ANKRD31: variants seen among roughly 807,000 people sequenced by gnomAD.
ANKRD31 encodes the protein ankyrin repeat domain-containing protein 31.
Under a neutral mutation model 186.0 loss-of-function variants are expected in ANKRD31, and 147 were observed. The ratio of observed to expected loss-of-function variants is 0.79; its 90% CI spans 0.69 to 0.91. The LOEUF is 0.91. Among genes scored for constraint, ANKRD31 ranks in the 40% least tolerant of loss-of-function variants. The pLI is 0.00. For missense variants in ANKRD31, 1,986 were observed against 2,148.8 expected, an observed-to-expected ratio of 0.92 and a Z score of 1.50; for synonymous variants, 673 against 736.4, an observed-to-expected ratio of 0.91 and a Z score of 1.39.
intron 10 of ANKRD31, among the ~76,000 whole-genome samples, chr5:75,171,730 A>G (rs760104762): frequency 6.6e-6 from 1 of 151,866 alleles, no homozygotes; most frequent in Non-Finnish European, 1.5e-5. Context: ...AACAGACATA[A>G]GATGGAACAG....
At chr5:75,182,981 C>G (rs1754436034) in intron 10 of ANKRD31, among the ~76,000 whole-genome samples, 1 of 152,030 alleles carries the variant, frequency 6.6e-6, no homozygotes. Context: ...CCCCAATACC[C>G]CTGATGAACA....
At chr5:75,209,572 G>A (rs1243633374) in intron 4 of ANKRD31, among the ~76,000 whole-genome samples, 2 of 152,104 alleles carry the variant, frequency 1.3e-5, no homozygotes, top group Non-Finnish European at 2.9e-5. Context: ...AGCTACTTGG[G>A]AGGCTGAGGC....
rs1244757768 is a variant in ANKRD31 at position 75,091,359 on chromosome 5, T to A, written c.5374A>T (p.Lys1792Ter). The A allele has an allele frequency of 4.6e-6, 7 of 1,537,028 alleles. No homozygotes were observed. The highest frequency in any genetic ancestry group is 5.2e-6 in the Non-Finnish European group (6 of 1,146,830). The change falls in exon 23 of 26, where the codon AAG becomes TAG. Residue 1792 changes from lysine to a stop codon, truncating the protein, a stop_gained. Transcript: ENST00000506364. LOFTEE classifies it high-confidence loss of function. Reference sequence around the variant, plus strand: ...TTATAAATCTGACCACTTTCTACCTTAAGTTTACCATTCAATAAAATACTG... The same window carrying A: ...TTATAAATCTGACCACTTTCTACCTAAAGTTTACCATTCAATAAAATACTG... ...KASILLNGKL[K>*]VESGQIYKNP...
At chr5:75,087,851 G>T (rs1160883187) in intron 23 of ANKRD31, among the ~76,000 whole-genome samples, 1 of 152,188 alleles carries the variant, frequency 6.6e-6, no homozygotes, top group Non-Finnish European at 1.5e-5. Context: ...CTATGGAAAT[G>T]ATGATGCAGG....
At chr5:75,158,477 T>A (rs1177070817) in intron 11 of ANKRD31, among the ~76,000 whole-genome samples, 2 of 152,206 alleles carry the variant, frequency 1.3e-5, no homozygotes, top group Non-Finnish European at 2.9e-5. Flanking sequence ...TATAATACAT[T>A]ATCTTAAATG....
At chr5:75,069,948 G>T (rs1031959184) in intron 25 of ANKRD31, among the ~76,000 whole-genome samples, 4 of 152,176 alleles carry the variant, frequency 2.6e-5, no homozygotes, top group Non-Finnish European at 5.9e-5. Context: ...AGGAAATGGA[G>T]CTGAGAAATG....
At chr5:75,089,424 C>G (rs899236017) in intron 23 of ANKRD31, among the ~76,000 whole-genome samples, 1 of 152,190 alleles carries the variant, frequency 6.6e-6, no homozygotes, top group East Asian at 1.9e-4. Flanking sequence ...CACTCCTGGT[C>G]CCATACCACC....
chr5:75,155,506 T>C (rs1204323439), intron 11 of ANKRD31, among the ~76,000 whole-genome samples: 1 of 152,162 alleles, frequency 6.6e-6, no homozygotes, highest in Non-Finnish European at 1.5e-5. Flanking sequence ...TTTAAGTTGC[T>C]TCGAAGCTTT....
intron 15 of ANKRD31, among the ~76,000 whole-genome samples, chr5:75,139,543 CCCT>C (rs1383256093): frequency 6.6e-6 from 1 of 152,036 alleles, no homozygotes; most frequent in East Asian, 1.9e-4. Context: ...CATGTTTTCC[CCCT>C]ATTTCCTGCC....
At chr5:75,092,568 C>T (rs1275519612) in intron 22 of ANKRD31, among the ~76,000 whole-genome samples, 1 of 152,116 alleles carries the variant, frequency 6.6e-6, no homozygotes, top group Non-Finnish European at 1.5e-5. Flanking sequence ...GAAGTGGGGA[C>T]TTCACTAAAA....
Position 75,068,485 on chromosome 5 carries a change from C to A in ANKRD31, c.*34G>T. Reference sequence around the variant, plus strand: ...TATAAATGTTTGTTGGTAATTTGAACAAATATCCAATAAAATATTAAGAAA... The same window carrying A: ...TATAAATGTTTGTTGGTAATTTGAAAAAATATCCAATAAAATATTAAGAAA... On this transcript the variant is annotated 3_prime_UTR_variant, in exon 26 of 26. Coordinates refer to ENST00000506364, the MANE Select transcript of ANKRD31 (RefSeq NM_001372053.1). The A allele has an allele frequency of 2.1e-6, 3 of 1,436,864 alleles. No homozygotes were observed. The highest frequency in any genetic ancestry group is 2.6e-5 in the East Asian group (1 of 38,532). 89.0% of individuals were successfully genotyped at this position (1,436,864 alleles called of 1,614,324 possible).
At chr5:75,098,138 G>T (rs558990228) in intron 22 of ANKRD31, among the ~76,000 whole-genome samples, 1 of 151,848 alleles carries the variant, frequency 6.6e-6, no homozygotes, top group Non-Finnish European at 1.5e-5. Flanking sequence ...GACTACAGGC[G>T]CCCACCACCA....
In ANKRD31 at chr5:75,146,766, C is replaced by G. The variant is rs1234298541; in HGVS notation, c.2645G>C (p.Arg882Thr). The G allele has an allele frequency of 6.5e-7, 1 of 1,536,130 alleles. No individual in the cohort carries two copies. Among genetic ancestry groups the G allele is most frequent in the East Asian group, 2.4e-5 (1 of 40,876 alleles). ...GAAAGAATTTTCCCATTTGTTAAAT[C>G]TCTCATCTTTTGGGACCAAGTTACT... is the stretch of plus-strand genomic sequence containing the variant. ...ENSNLVPKDE[R>T]FNKWENSFLS... is the part of the protein sequence containing the mutation. The change falls in exon 14 of 26, where the codon AGA (arginine) becomes ACA (threonine). Residue 882 changes from arginine (R) to threonine (T), a missense_variant. By Grantham distance (71) the Arg-to-Thr change is moderately conservative (BLOSUM62 -1). Coordinates refer to ENST00000506364, the MANE Select transcript of ANKRD31 (RefSeq NM_001372053.1).
chr5:75,176,005 G>A (rs974893701), intron 10 of ANKRD31, among the ~76,000 whole-genome samples: 7 of 152,064 alleles, frequency 4.6e-5, no homozygotes, highest in Admixed American at 4.6e-4. Flanking sequence ...GGTGACAGAC[G>A]GCACCTGGAA....
At chr5:75,182,199 A>C (rs180875117) in intron 10 of ANKRD31, among the ~76,000 whole-genome samples, 65 of 152,322 alleles carry the variant, frequency 4.3e-4, no homozygotes, top group Middle Eastern at 3.4e-3. Flanking sequence ...GAAGGTATGA[A>C]TTCATTGCTG....
At chr5:75,086,080 G>C (rs1176912184) in intron 23 of ANKRD31, among the ~76,000 whole-genome samples, 1 of 152,188 alleles carries the variant, frequency 6.6e-6, no homozygotes, top group Non-Finnish European at 1.5e-5. Context: ...GGAAACAATA[G>C]ATTTTGTATG....
intron 17 of ANKRD31, 30 bp from the exon 18 acceptor site, chr5:75,118,327 A>G: frequency 7.2e-7 from 1 of 1,386,344 alleles, no homozygotes; most frequent in Non-Finnish European, 9.3e-7. Flanking sequence ...AGTTATCTCT[A>G]CAGACACCAA....
At chr5:75,089,090 A>C (rs1745733873) in intron 23 of ANKRD31, among the ~76,000 whole-genome samples, 1 of 152,198 alleles carries the variant, frequency 6.6e-6, no homozygotes, top group Non-Finnish European at 1.5e-5. Context: ...GTGGTTTCTA[A>C]AGGCCCTCAA....
chr5:75,201,915 G>A (rs969983418), intron 5 of ANKRD31, among the ~76,000 whole-genome samples: 23 of 152,086 alleles, frequency 1.5e-4, no homozygotes, highest in African/African-American at 5.1e-4. Context: ...ATAACCCAGC[G>A]ATTCCTTTCT....
Sources: gnomAD v4.1 joint callset for allele counts (sites outside exome capture counted in the v4.1 genomes callset) on GRCh38, gnomAD v4.1.1 for gene constraint, MANE v1.5 for transcripts, NCBI Gene and HGNC (gene_info 2026-07-23, HGNC 2026-07-21) for gene names.